Variants in H2AZ1 observed in about 807,000 individuals in gnomAD.
H2AZ1 encodes the protein H2A.Z variant histone 1, also known as histone H2A.Z.
A neutral mutation model predicts 16.6 loss-of-function variants in H2AZ1; 3 were observed. The observed-to-expected ratio is 0.18, with a 90% CI of 0.08 to 0.47. The LOEUF is 0.47. Ranked by LOEUF, H2AZ1 falls within the 20% of genes least tolerant of loss-of-function variation. The pLI is 0.98. For missense variants in H2AZ1, 27 were observed against 163.6 expected (o/e 0.17, Z 4.55); for synonymous variants, 78 against 60.7 (o/e 1.28, Z -1.32).
At chr4:99,949,222 G>T in intron 3 of H2AZ1, 51 bp downstream of exon 3, 1 of 1,120,526 alleles carries the variant, frequency 8.9e-7, no homozygotes, top group Non-Finnish European at 1.3e-6. Context: ...CCCTCTTGCC[G>T]CCTCCCCGCC....
chr4:99,949,322 G>A lies in H2AZ1; in HGVS notation c.146C>T (p.Ala49Val), dbSNP rs1174151220. Reference sequence around the variant, plus strand: ...GGCTGCGCTGTACACAGCGGCAGTCGCGCCCACACGTCCATGACTGGTCGT... The same window carrying A: ...GGCTGCGCTGTACACAGCGGCAGTCACGCCCACACGTCCATGACTGGTCGT... ...SRTTSHGRVGATAAVYSAAIL... is the reference protein window; with the variant it reads ...SRTTSHGRVGVTAAVYSAAIL... The change falls in exon 3 of 5, where the codon GCG becomes GTG. Residue 49 changes from alanine to valine, a missense_variant. Coordinates refer to ENST00000296417, the MANE Select transcript of H2AZ1 (RefSeq NM_002106.4). 1.2e-6 allele frequency: 2 copies of A among 1,612,884 alleles called. No homozygotes were observed. Among genetic ancestry groups the A allele is most frequent in the Admixed American group, 1.7e-5 (1 of 59,988 alleles).
Position 99,949,257 on chromosome 4 carries a change from G to A in H2AZ1, c.195+16C>T. 1 of 1,450,880 alleles carries A rather than the reference G, an allele frequency of 6.9e-7. No homozygotes were observed. The highest frequency in any genetic ancestry group is 9.6e-7 in the Non-Finnish European group (1 of 1,038,550). The allele number at this position is 1,450,880 out of a possible 1,614,324, so 89.9% of individuals were successfully genotyped here. The stretch of plus-strand genomic sequence containing the variant: ...CCCCCAAACCTTCTCCGGATTATAG[G>A]CGTTCACCCATTTACCTCTGCGGTG... On this transcript the variant is annotated intron_variant, in intron 3 of 4. Coordinates refer to ENST00000296417, the MANE Select transcript of H2AZ1 (RefSeq NM_002106.4).
Position 99,948,497 on chromosome 4 carries a change from G to A in H2AZ1, c.352C>T (p.Leu118=). ...TTCTGTTGTCCTTTCTTCCCAATCA[G>A]AGATTTGTGGATGTGTGGAATGACA... ...GGVIPHIHKS[L]IGKKGQQKTV The change falls in exon 5 of 5, where the codon CTG becomes TTG. Residue 118 remains leucine (L), a synonymous_variant. Transcript: ENST00000296417. 1 of 1,607,020 alleles carries A rather than the reference G, an allele frequency of 6.2e-7. No homozygotes were observed. Among genetic ancestry groups the A allele is most frequent in the Admixed American group, 1.7e-5 (1 of 60,008 alleles).
At position 99,948,549 on chromosome 4, in the gene H2AZ1, T is replaced by C. The variant is rs201726975; in HGVS notation, c.326-26A>G. The C allele has an allele frequency of 2.5e-6, 4 of 1,607,240 alleles. No individual in the cohort carries two copies. In the East Asian group the frequency reaches 6.7e-5, roughly 27 times the overall value. On this transcript the variant is annotated intron_variant, in intron 4 of 4. Transcript: ENST00000296417. ...CTAGGAGAGTGACAGGAATTAATTC[T>C]ACTTAAGATTTTTTAAAAAATCACA...
Position 99,949,745 on chromosome 4 carries a change from G to A in H2AZ1, c.4-5C>T, listed in dbSNP as rs369466140. ...CTTTCCAGCCTTACCGCCAGCCTGCGGCGCGCACACGCCCGCGAGCGGAGG... is the reference window on the plus strand; with the variant it reads ...CTTTCCAGCCTTACCGCCAGCCTGCAGCGCGCACACGCCCGCGAGCGGAGG... On this transcript the variant is annotated splice_polypyrimidine_tract_variant and splice_region_variant and intron_variant, in intron 1 of 4. Transcript: ENST00000296417. 3.4e-5 allele frequency: 54 copies of A among 1,606,390 alleles called. No individual in the cohort carries two copies. In the African/African-American group the frequency reaches 5.8e-4, roughly 17 times the overall value.
Position 99,950,241 on chromosome 4 carries a change from C to A in H2AZ1, c.-71G>T, listed in dbSNP as rs1010134655. The A allele has an allele frequency of 4.1e-6, 6 of 1,453,406 alleles. No individual in the cohort carries two copies. Among genetic ancestry groups the A allele is most frequent in the South Asian group, 1.2e-5 (1 of 85,808 alleles). The allele number at this position is 1,453,406 out of a possible 1,614,324, so 90.0% of individuals were successfully genotyped here. A position where few individuals can be genotyped will look rare whatever the true frequency, so the allele number is the denominator to read the frequency against. ...AATCGGACCCACGGTGAGATCCCAC[C>A]ACCTACTCCTTCGTCGCACCGCGAT... is the stretch of plus-strand genomic sequence containing the variant. On this transcript the variant is annotated 5_prime_UTR_variant, in exon 1 of 5. Coordinates refer to ENST00000296417, the MANE Select transcript of H2AZ1 (RefSeq NM_002106.4).
chr4:99,948,581 G>A lies in H2AZ1; in HGVS notation c.326-58C>T, dbSNP rs891449878. The A allele has an allele frequency of 1.9e-6, 3 of 1,598,278 alleles. No homozygotes were observed. The African/African-American group carries it at 4.0e-5, about 21-fold the overall frequency. ...GATTTTTTAAAAAATCACAGTATTT[G>A]AAACCAAGAAAGTGTATACTGTTCA... is the stretch of plus-strand genomic sequence containing the variant. On this transcript the variant is annotated intron_variant, in intron 4 of 4. Transcript: ENST00000296417.
chr4:99,948,590 A>G (rs535333977), intron 4 of H2AZ1, 67 bp from the exon 5 acceptor site: 132 of 1,595,204 alleles, frequency 8.3e-5, no homozygotes, highest in East Asian at 8.9e-5. Flanking sequence ...TGAAACCAAG[A>G]AAGTGTATAC....
In H2AZ1 at chr4:99,950,111, G is replaced by A. The variant is rs915150357; in HGVS notation, c.3+57C>T. The A allele has an allele frequency of 1.4e-5, 23 of 1,589,024 alleles. No homozygotes were observed. The South Asian group carries it at 2.4e-4, about 16-fold the overall frequency. On this transcript the variant is annotated intron_variant, in intron 1 of 4. Coordinates refer to ENST00000296417, the MANE Select transcript of H2AZ1 (RefSeq NM_002106.4). ...TCACCCCCATCCCTCTGTGTAACGG[G>A]TTTTTCTCTCGCCGGCAAAAACCCG...
intron 4 of H2AZ1, 30 bp from the exon 5 acceptor site, chr4:99,948,553 T>TA: frequency 6.2e-7 from 1 of 1,607,008 alleles, no homozygotes; most frequent in Non-Finnish European, 8.5e-7. Flanking sequence ...TAATTCTACT[T>TA]AAGATTTTTT....
chr4:99,949,851 C>T, intron 1 of H2AZ1, 111 bp from the exon 2 acceptor site: 1 of 729,710 alleles, frequency 1.4e-6, no homozygotes, highest in South Asian at 2.0e-5. Context: ...CGTCCCCGCA[C>T]CCTGCCGGGG....
At chr4:99,950,111 G>GT (rs1727245337) in intron 1 of H2AZ1, 57 bp downstream of exon 1, 1 of 1,589,142 alleles carries the variant, frequency 6.3e-7, no homozygotes, top group African/African-American at 1.3e-5. Flanking sequence ...TGTGTAACGG[G>GT]TTTTTCTCTC....
chr4:99,948,510 G>A lies in H2AZ1; in HGVS notation c.339C>T (p.His113=), dbSNP rs767838789. The A allele has an allele frequency of 4.3e-6, 7 of 1,610,320 alleles. No homozygotes were observed. In the Admixed American group the frequency reaches 1.2e-4, roughly 27 times the overall value. The change falls in exon 5 of 5, where the codon CAC becomes CAT. Residue 113 remains histidine (H), a synonymous_variant. Coordinates refer to ENST00000296417, the MANE Select transcript of H2AZ1 (RefSeq NM_002106.4). ...ATIAGGGVIP[H]IHKSLIGKKG... The stretch of plus-strand genomic sequence containing the variant: ...TCTTCCCAATCAGAGATTTGTGGAT[G>A]TGTGGAATGACACCTAGGAGAGTGA...
chr4:99,948,738 G>GA, intron 4 of H2AZ1, 73 bp downstream of exon 4: 1 of 1,541,888 alleles, frequency 6.5e-7, no homozygotes, highest in Admixed American at 2.1e-5. Flanking sequence ...TCCTCTCCTG[G>GA]AAAAACTAAT....
chr4:99,949,251 T>G, intron 3 of H2AZ1, 22 bp downstream of exon 3: 2 of 1,393,608 alleles, frequency 1.4e-6, no homozygotes, highest in Non-Finnish European at 2.0e-6. Context: ...CTTCTCCGGA[T>G]TATAGGCGTT....
Position 99,948,838 on chromosome 4 carries a change from G to C in H2AZ1, c.298C>G (p.Leu100Val). 1 of 1,610,196 alleles carries C rather than the reference G, an allele frequency of 6.2e-7. No individual in the cohort carries two copies. Among genetic ancestry groups the C allele is most frequent in the Non-Finnish European group, 8.5e-7 (1 of 1,176,464 alleles). ...CCACCAGCAATTGTAGCCTTGATGA[G>C]AGAATCCAATTCTTCATCTCCACGA... ...AIRGDEELDS[L>V]IKATIAGGGV... The change falls in exon 4 of 5, where the codon CTC becomes GTC. Residue 100 changes from leucine (L) to valine (V), a missense_variant. By Grantham distance (32) the Leu-to-Val change is conservative (BLOSUM62 1). Around this residue, in one of 3 missense-constraint regions of H2AZ1, gnomAD observed 14 missense variants for 110.3 expected, o/e 0.13. Transcript: ENST00000296417.
Position 99,949,354 on chromosome 4 carries a change from T to C in H2AZ1, c.114A>G (p.Lys38=), listed in dbSNP as rs140487187. 1.2e-6 allele frequency: 2 copies of C among 1,612,018 alleles called. No homozygotes were observed. Among genetic ancestry groups the C allele is most frequent in the Non-Finnish European group, 1.7e-6 (2 of 1,178,476 alleles). ...FPVGRIHRHL[K]SRTTSHGRVG... ...CACGTCCATGACTGGTCGTCCTAGATTTTAGGTGTCGATGAATACGGCCCA... is the reference window on the plus strand; with the variant it reads ...CACGTCCATGACTGGTCGTCCTAGACTTTAGGTGTCGATGAATACGGCCCA... Residue 38 remains lysine (K), a synonymous_variant, in exon 3 of 5, where the codon AAA becomes AAG. Coordinates refer to ENST00000296417, the MANE Select transcript of H2AZ1 (RefSeq NM_002106.4).
In H2AZ1 at chr4:99,948,364, T is replaced by C; in HGVS notation, c.*98A>G. Reference sequence around the variant, plus strand: ...CAAATAGAATTACAAAAAGGCAAAATTGTGTTTTTCACAGAGATACAGTCC... The same window carrying C: ...CAAATAGAATTACAAAAAGGCAAAACTGTGTTTTTCACAGAGATACAGTCC... On this transcript the variant is annotated 3_prime_UTR_variant, in exon 5 of 5. Transcript: ENST00000296417. The C allele has an allele frequency of 2.4e-6, 2 of 834,952 alleles. No homozygotes were observed. Among genetic ancestry groups the C allele is most frequent in the South Asian group, 1.4e-5 (1 of 73,372 alleles). 51.7% of individuals were successfully genotyped at this position (834,952 alleles called of 1,614,324 possible).
At chr4:99,949,414 A>C in intron 2 of H2AZ1, 28 bp from the exon 3 acceptor site, 2 of 1,354,410 alleles carry the variant, frequency 1.5e-6, no homozygotes, top group Non-Finnish European at 2.1e-6. Context: ...CACAAACATA[A>C]ATGCACAAAA....
Sources: gnomAD v4.1 joint callset for allele counts on GRCh38, gnomAD v4.1.1 for gene constraint, gnomAD v4.1.1 regional missense constraint, MANE v1.5 for transcripts, NCBI Gene and HGNC (gene_info 2026-07-23, HGNC 2026-07-21) for gene names.